FBXL20: variants seen among roughly 807,000 people sequenced by gnomAD.
The protein encoded by FBXL20 is F-box/LRR-repeat protein 20.
FBXL20 carries 11 observed loss-of-function variants against 64.0 expected under a neutral mutation model. That is an observed-to-expected ratio of 0.17 (90% CI 0.11 to 0.28). FBXL20 has a LOEUF of 0.28. FBXL20 is among the 10% of genes least tolerant of loss of function. The pLI is 1.00. For synonymous variants in FBXL20, 184 were observed against 189.0 expected (o/e 0.97, Z 0.22); for missense variants, 303 against 526.2 (o/e 0.58, Z 4.15).
At chr17:39,315,995 G>T (rs1013938319) in intron 2 of FBXL20, among the ~76,000 whole-genome samples, 1 of 152,142 alleles carries the variant, frequency 6.6e-6, no homozygotes. Context: ...GGCCAAGGTG[G>T]ATCACTTGAA....
intron 2 of FBXL20, 25 bp from the exon 3 acceptor site, chr17:39,303,664 A>G (rs376129048): frequency 6.3e-7 from 1 of 1,586,430 alleles, no homozygotes; most frequent in Non-Finnish European, 8.6e-7. Flanking sequence ...GAGAAAGACA[A>G]ATTTTATTGT....
At chr17:39,375,845 C>T (rs947369552) in intron 1 of FBXL20, among the ~76,000 whole-genome samples, 1 of 152,052 alleles carries the variant, frequency 6.6e-6, no homozygotes, top group African/African-American at 2.4e-5. Flanking sequence ...CGTGGCTGGG[C>T]GTGGTGGCTC....
chr17:39,261,161 C>T lies in FBXL20; in HGVS notation c.*299G>A. ...ATTAACACGGGGTTTGCTGGAATGC[C>T]CCTCCCTATCTTGGCCTATGATTTT... On this transcript the variant is annotated 3_prime_UTR_variant, in exon 15 of 15. Transcript: ENST00000264658. 3.3e-6 allele frequency: 1 copy of T among 301,570 alleles called. No individual in the cohort carries two copies. Among genetic ancestry groups the T allele is most frequent in the Non-Finnish European group, 6.3e-6 (1 of 157,688 alleles). The allele number at this position is 301,570 out of a possible 1,614,324, so 18.7% of individuals were successfully genotyped here.
At chr17:39,278,696 C>T (rs1254228917) in intron 9 of FBXL20, among the ~76,000 whole-genome samples, 4 of 150,460 alleles carry the variant, frequency 2.7e-5, no homozygotes, top group Non-Finnish European at 5.9e-5. Flanking sequence ...TACGGGCACA[C>T]ACCACTACGC....
intron 3 of FBXL20, 102 bp downstream of exon 3, chr17:39,303,483 A>T: frequency 1.0e-6 from 1 of 966,340 alleles, no homozygotes; most frequent in East Asian, 2.6e-5. Context: ...AAAACATGAA[A>T]ACATACAAGT....
chr17:39,402,122 A>G, upstream of FBXL20: 1 of 1,227,168 alleles, frequency 8.1e-7, no homozygotes, highest in Non-Finnish European at 1.0e-6. Flanking sequence ...AGGATCCTGT[A>G]AGGCACCCGC....
chr17:39,277,388 G>A (rs2046908132), intron 9 of FBXL20, among the ~76,000 whole-genome samples: 1 of 152,190 alleles, frequency 6.6e-6, no homozygotes, highest in African/African-American at 2.4e-5. Context: ...CCGTAGGGCT[G>A]TGCTGCCCTT....
chr17:39,373,018 TA>T (rs2047933761), intron 1 of FBXL20, among the ~76,000 whole-genome samples: 2 of 152,070 alleles, frequency 1.3e-5, no homozygotes, highest in African/African-American at 4.8e-5. Flanking sequence ...TTTTTTTTTT[TA>T]ATCAGACTAC....
At chr17:39,395,898 CA>C (rs778978046) in intron 1 of FBXL20, among the ~76,000 whole-genome samples, 1 of 151,968 alleles carries the variant, frequency 6.6e-6, no homozygotes, top group Non-Finnish European at 1.5e-5. Context: ...CACTCATTAC[CA>C]GGTTAGCAGA....
In FBXL20 at chr17:39,252,820, C is replaced by T; in HGVS notation, c.*8640G>A. The T allele has an allele frequency of 6.7e-6, 1 of 148,378 alleles. No individual in the cohort carries two copies. Among genetic ancestry groups the T allele is most frequent in the Non-Finnish European group, 1.5e-5 (1 of 67,494 alleles). 9.2% of individuals were successfully genotyped at this position (148,378 alleles called of 1,614,324 possible). On this transcript the variant is annotated 3_prime_UTR_variant, in exon 15 of 15. Coordinates refer to ENST00000264658, the MANE Select transcript of FBXL20 (RefSeq NM_032875.3). ...TTTTTAAAGCAAAAGGAATCCTCTA[C>T]TGCCACCTCGGATTTTATTTATTTT...
chr17:39,350,600 C>A (rs1394770399), intron 1 of FBXL20, among the ~76,000 whole-genome samples: 1 of 151,516 alleles, frequency 6.6e-6, no homozygotes, highest in East Asian at 1.9e-4. Flanking sequence ...TCTGTAGGAG[C>A]ATTAAAGTGA....
At chr17:39,268,550 T>C (rs1277587399) in intron 12 of FBXL20, among the ~76,000 whole-genome samples, 1 of 152,166 alleles carries the variant, frequency 6.6e-6, no homozygotes, top group Non-Finnish European at 1.5e-5. Context: ...ATCATAACTC[T>C]ACAGGTCTAA....
chr17:39,284,462 C>A (rs1292719625), intron 7 of FBXL20, among the ~76,000 whole-genome samples: 114 of 152,188 alleles, frequency 7.5e-4, no homozygotes, highest in Non-Finnish European at 2.1e-4. Context: ...CTCACTGCAG[C>A]CTCAACCTGC....
chr17:39,335,612 T>G, intron 2 of FBXL20, among the ~76,000 whole-genome samples: 1 of 145,002 alleles, frequency 6.9e-6, no homozygotes, highest in South Asian at 2.2e-4. Flanking sequence ...AAAGAAGGAA[T>G]CTTTGAGAAA....
intron 2 of FBXL20, among the ~76,000 whole-genome samples, chr17:39,337,186 C>CTGT (rs1393355817): frequency 6.6e-6 from 1 of 152,226 alleles, no homozygotes; most frequent in East Asian, 1.9e-4. Flanking sequence ...CGGGGTTTCG[C>CTGT]TGTGTTGGCC....
At chr17:39,272,903 A>G (rs1265584031) in intron 10 of FBXL20, among the ~76,000 whole-genome samples, 1 of 152,162 alleles carries the variant, frequency 6.6e-6, no homozygotes, top group Non-Finnish European at 1.5e-5. Flanking sequence ...CGAAAAGGAT[A>G]AAGTGTAAGA....
intron 1 of FBXL20, among the ~76,000 whole-genome samples, chr17:39,397,903 T>G (rs2144689953): frequency 6.6e-6 from 1 of 150,630 alleles, no homozygotes; most frequent in East Asian, 1.9e-4. Flanking sequence ...ACTTACTAGG[T>G]GTGCAATTTG....
At chr17:39,367,648 A>G (rs966850466) in intron 1 of FBXL20, among the ~76,000 whole-genome samples, 1 of 151,960 alleles carries the variant, frequency 6.6e-6, no homozygotes, top group Non-Finnish European at 1.5e-5. Context: ...TTTTTCTCCT[A>G]TATCCAAATT....
intron 2 of FBXL20, among the ~76,000 whole-genome samples, chr17:39,338,945 T>C (rs1165350239): frequency 6.6e-6 from 1 of 151,978 alleles, no homozygotes; most frequent in Non-Finnish European, 1.5e-5. Context: ...GGTGGACAGA[T>C]CATTCAAGGT....
Sources: allele counts gnomAD v4.1 joint callset (sites outside exome capture counted in the v4.1 genomes callset), GRCh38; gene constraint gnomAD v4.1.1; transcripts MANE v1.5; gene names NCBI Gene and HGNC (gene_info 2026-07-23, HGNC 2026-07-21).